SNX16: variants seen among roughly 807,000 people sequenced by gnomAD.
SNX16 encodes sorting nexin 16, also known as sorting nexin-16.
A neutral mutation model predicts 36.7 loss-of-function variants in SNX16; 35 were observed. The observed-to-expected ratio is 0.95, with a 90% confidence interval of 0.73 to 1.27. The LOEUF (loss-of-function observed/expected upper bound fraction) is 1.27. Among genes scored for constraint, SNX16 ranks in the 50% most tolerant of loss-of-function variants. The pLI is 0.00. For missense variants in SNX16, 367 were observed against 393.6 expected, an observed-to-expected ratio of 0.93 and a Z score of 0.57; for synonymous variants, 134 against 132.0, an observed-to-expected ratio of 1.02 and a Z score of -0.10.
intron 5 of SNX16, among the ~76,000 whole-genome samples, chr8:81,810,555 A>G (rs1810189977): frequency 6.6e-6 from 1 of 152,224 alleles, no homozygotes; most frequent in South Asian, 2.1e-4. Context: ...AAATAAACAT[A>G]TATTTTCAAA....
intron 2 of SNX16, 113 bp from the exon 3 acceptor site, chr8:81,829,629 A>C (rs1811164560): frequency 5.0e-6 from 2 of 396,194 alleles, no homozygotes; most frequent in Non-Finnish European, 8.8e-6. Flanking sequence ...TATAACAATT[A>C]TTATGTAAAA....
intron 5 of SNX16, among the ~76,000 whole-genome samples, chr8:81,806,400 T>TA (rs879404070): frequency 1.3e-5 from 2 of 151,812 alleles, no homozygotes; most frequent in Non-Finnish European, 1.5e-5. Context: ...ACCAATAGAT[T>TA]AAAAAAAACC....
intron 1 of SNX16, among the ~76,000 whole-genome samples, chr8:81,841,278 T>G (rs1001801066): frequency 1.9e-4 from 29 of 150,544 alleles, no homozygotes; most frequent in East Asian, 2.0e-4. Context: ...GAGGCGGAGG[T>G]TGCAGTTTGC....
chr8:81,828,833 T>C (rs371354374), intron 3 of SNX16, among the ~76,000 whole-genome samples: 4 of 152,152 alleles, frequency 2.6e-5, no homozygotes. Flanking sequence ...GACTGGAGAG[T>C]AGTCTCTATG....
At chr8:81,841,582 A>T (rs1407583541) in intron 1 of SNX16, 3 of 151,844 alleles carry the variant, frequency 2.0e-5, no homozygotes, top group Non-Finnish European at 4.4e-5. Flanking sequence ...AATACATATC[A>T]ACACAACCAC....
intron 4 of SNX16, among the ~76,000 whole-genome samples, chr8:81,820,264 G>A (rs1223575474): frequency 6.6e-6 from 1 of 151,564 alleles, no homozygotes; most frequent in East Asian, 1.9e-4. Context: ...TGTAAAAAAT[G>A]AGACAATCTT....
chr8:81,801,690 T>C (rs1809700909), intron 7 of SNX16, 97 bp from the exon 8 acceptor site: 1 of 585,988 alleles, frequency 1.7e-6, no homozygotes, highest in Non-Finnish European at 2.7e-6. Context: ...TTCTACCTTA[T>C]AGAAAATTTA....
At chr8:81,822,696 G>A (rs1361275577) in intron 4 of SNX16, among the ~76,000 whole-genome samples, 1 of 151,900 alleles carries the variant, frequency 6.6e-6, no homozygotes, top group Non-Finnish European at 1.5e-5. Flanking sequence ...AGATGATGCT[G>A]CTACAAATTG....
At chr8:81,841,448 C>A (rs753748922) in intron 1 of SNX16, among the ~76,000 whole-genome samples, 1 of 151,982 alleles carries the variant, frequency 6.6e-6, no homozygotes, top group Non-Finnish European at 1.5e-5. Context: ...TCCTCGGTTC[C>A]GCCTGACGGC....
intron 2 of SNX16, among the ~76,000 whole-genome samples, chr8:81,833,395 A>C (rs1811353020): frequency 7.1e-6 from 1 of 140,616 alleles, no homozygotes; most frequent in South Asian, 2.5e-4. Flanking sequence ...TTAGCTTTGA[A>C]GTTTAAAAAA....
intron 5 of SNX16, chr8:81,808,340 A>C: frequency 3.1e-6 from 4 of 1,286,068 alleles, no homozygotes; most frequent in Non-Finnish European, 4.5e-6. Context: ...CTAGTGCTTC[A>C]TCCAGGCAAA....
intron 2 of SNX16, among the ~76,000 whole-genome samples, chr8:81,834,063 T>C (rs1811386377): frequency 6.6e-6 from 1 of 152,198 alleles, no homozygotes; most frequent in Non-Finnish European, 1.5e-5. Flanking sequence ...GAGACATACC[T>C]GAGACTGGGC....
At chr8:81,808,237 C>T (rs1810058441) in intron 5 of SNX16, 3 of 1,229,564 alleles carry the variant, frequency 2.4e-6, no homozygotes, top group African/African-American at 1.5e-5. Flanking sequence ...CTTTCACGAC[C>T]ATGACTCCAT....
intron 4 of SNX16, among the ~76,000 whole-genome samples, chr8:81,816,513 T>A (rs780670883): frequency 3.3e-5 from 5 of 151,824 alleles, no homozygotes; most frequent in Non-Finnish European, 5.9e-5. Context: ...CTTGATACAC[T>A]ACAAAAAGGG....
chr8:81,840,820 T>C (rs1811717875), intron 1 of SNX16, among the ~76,000 whole-genome samples: 1 of 152,252 alleles, frequency 6.6e-6, no homozygotes, highest in African/African-American at 2.4e-5. Flanking sequence ...GAATCTGTTA[T>C]CAAACGGACC....
At position 81,803,124 on chromosome 8, in the gene SNX16, T is replaced by C; in HGVS notation, c.786A>G (p.Gln262=). Residue 262 remains glutamine, a synonymous_variant, in exon 6 of 8, where the codon CAA becomes CAG. Coordinates refer to ENST00000345957, the MANE Select transcript of SNX16 (RefSeq NM_152836.3). Reference sequence around the variant, plus strand: ...TGTTCTCTAAAGTGTCTATATGAAGTTGCTTCTCACTGAGCAGTTTCTTTA... The same window carrying C: ...TGTTCTCTAAAGTGTCTATATGAAGCTGCTTCTCACTGAGCAGTTTCTTTA... ...ESLKKLLSEK[Q]LHIDTLENRI... is the part of the protein sequence containing the mutation. 6.2e-7 allele frequency: 1 copy of C among 1,610,920 alleles called. No individual in the cohort carries two copies. The highest frequency in any genetic ancestry group is 8.5e-7 in the Non-Finnish European group (1 of 1,178,544).
At chr8:81,818,383 C>T (rs776735119) in intron 4 of SNX16, among the ~76,000 whole-genome samples, 2 of 151,848 alleles carry the variant, frequency 1.3e-5, no homozygotes, top group Admixed American at 1.3e-4. Context: ...ATCACATTTC[C>T]TGTGAAAAGA....
intron 4 of SNX16, among the ~76,000 whole-genome samples, chr8:81,817,804 AC>A (rs1372547432): frequency 6.6e-6 from 1 of 152,090 alleles, no homozygotes; most frequent in Admixed American, 6.6e-5. Flanking sequence ...AGGAAAGGAA[AC>A]CCTCACCCTT....
chr8:81,810,420 T>A (rs951816448), intron 5 of SNX16, among the ~76,000 whole-genome samples: 1 of 151,970 alleles, frequency 6.6e-6, no homozygotes, highest in Non-Finnish European at 1.5e-5. Flanking sequence ...CATTTTGGGA[T>A]TTTTCTTAAA....
Sources: gnomAD v4.1 joint callset for allele counts (sites outside exome capture counted in the v4.1 genomes callset) on GRCh38, gnomAD v4.1.1 for gene constraint, MANE v1.5 for transcripts, NCBI Gene and HGNC (gene_info 2026-07-23, HGNC 2026-07-21) for gene names.